Variants in RBFOX3 observed in about 807,000 individuals in gnomAD.
RBFOX3 encodes the protein RNA binding fox-1 homolog 3.
In RBFOX3, 17 loss-of-function variants were observed where a neutral mutation model predicts 48.7. That is an observed-to-expected ratio of 0.35 (90% CI 0.24 to 0.52). The LOEUF is 0.52. Among genes scored for constraint, RBFOX3 ranks in the 20% least tolerant of loss-of-function variants. RBFOX3 has a pLI of 0.94. For synonymous variants in RBFOX3, 212 were observed against 209.5 expected, an observed-to-expected ratio of 1.01 and a Z score of -0.10; for missense variants, 382 against 497.5, an observed-to-expected ratio of 0.77 and a Z score of 2.21.
At chr17:79,602,153 A>G (rs1294946004) in intron 1 of RBFOX3, 2 of 152,210 alleles carry the variant, frequency 1.3e-5, no homozygotes, top group Non-Finnish European at 2.9e-5. Flanking sequence ...ACAACGTCAC[A>G]AGGCTTTAAT....
At chr17:79,149,376 G>T (rs1369862145) in intron 4 of RBFOX3, among the ~76,000 whole-genome samples, 1 of 152,160 alleles carries the variant, frequency 6.6e-6, no homozygotes, top group African/African-American at 2.4e-5. Flanking sequence ...AGGGGGGCTT[G>T]GCTCAGGCCC....
intron 4 of RBFOX3, among the ~76,000 whole-genome samples, chr17:79,161,648 T>A (rs2047006195): frequency 6.6e-6 from 1 of 152,102 alleles, no homozygotes; most frequent in Non-Finnish European, 1.5e-5. Flanking sequence ...CAGGCTGGAG[T>A]GCAGTGGCGC....
intron 3 of RBFOX3, among the ~76,000 whole-genome samples, chr17:79,266,566 C>T (rs913942663): frequency 1.3e-5 from 2 of 152,036 alleles, no homozygotes; most frequent in Admixed American, 1.3e-4. Flanking sequence ...TGGAATTTCC[C>T]GTGTGCCAGG....
intron 4 of RBFOX3, among the ~76,000 whole-genome samples, chr17:79,202,327 C>T (rs1290872395): frequency 6.6e-6 from 1 of 152,060 alleles, no homozygotes; most frequent in East Asian, 1.9e-4. Flanking sequence ...GGGGCTGTGT[C>T]GGGTACCACG....
At chr17:79,379,416 T>C (rs898423400) in intron 2 of RBFOX3, among the ~76,000 whole-genome samples, 3 of 152,146 alleles carry the variant, frequency 2.0e-5, no homozygotes, top group Non-Finnish European at 4.4e-5. Flanking sequence ...CCCGTTTTCG[T>C]TTTGTTTTAA....
intron 2 of RBFOX3, among the ~76,000 whole-genome samples, chr17:79,379,774 C>T (rs2059661068): frequency 1.3e-5 from 2 of 152,130 alleles, no homozygotes; most frequent in South Asian, 4.1e-4. Flanking sequence ...CCAGATCGGA[C>T]TCCAGGGTGT....
intron 2 of RBFOX3, among the ~76,000 whole-genome samples, chr17:79,410,619 G>A (rs986713079): frequency 6.6e-6 from 1 of 152,304 alleles, no homozygotes; most frequent in Non-Finnish European, 1.5e-5. Context: ...GCGTGAAAGT[G>A]GAGGGGTCCC....
At chr17:79,345,502 G>A (rs1253518630) in intron 2 of RBFOX3, among the ~76,000 whole-genome samples, 1 of 152,296 alleles carries the variant, frequency 6.6e-6, no homozygotes, top group African/African-American at 2.4e-5. Flanking sequence ...GGCTTTGAAA[G>A]TCTTGCCAAT....
At chr17:79,168,521 G>A (rs1281933333) in intron 4 of RBFOX3, among the ~76,000 whole-genome samples, 1 of 152,248 alleles carries the variant, frequency 6.6e-6, no homozygotes, top group Non-Finnish European at 1.5e-5. Context: ...CCTATGTCCT[G>A]TGGCCCCCTG....
At chr17:79,612,480 C>G (rs904640779), upstream of RBFOX3, among the ~76,000 whole-genome samples, 4,647 of 152,202 alleles carry the variant, frequency 0.031, 97 homozygotes, top group Non-Finnish European at 0.038. Context: ...GGCTGCCCCC[C>G]CTGCAGGGCA....
intron 2 of RBFOX3, among the ~76,000 whole-genome samples, chr17:79,412,278 G>A (rs905251249): frequency 1.2e-4 from 18 of 151,492 alleles, no homozygotes; most frequent in South Asian, 2.1e-4. Flanking sequence ...GTATGTGTGC[G>A]TGTATGAACA....
In RBFOX3 at chr17:79,418,161, G is replaced by T. The variant is rs1234992465; in HGVS notation, c.-175+64293C>A. Among the ~76,000 whole-genome samples the T allele has an allele frequency of 6.6e-6, 1 of 152,204 alleles. No homozygotes were observed. The highest frequency in any genetic ancestry group is 2.4e-5 in the African/African-American group (1 of 41,448). On this transcript the variant is annotated intron_variant, in intron 2 of 14. Transcript: ENST00000693108. The surrounding 1 kb of genome is among the most constrained non-coding windows in gnomAD (Gnocchi z 5.0). The stretch of plus-strand genomic sequence containing the variant: ...GTGATGGCCGCACAACAAGATGAAT[G>T]TACTTAATGCCACTGAACAGTGCAC...
intron 2 of RBFOX3, among the ~76,000 whole-genome samples, chr17:79,442,619 G>T (rs1307007659): frequency 1.3e-5 from 2 of 152,118 alleles, no homozygotes; most frequent in Admixed American, 6.5e-5. Context: ...CTACAATTGT[G>T]TGTTTCCACC....
intron 4 of RBFOX3, among the ~76,000 whole-genome samples, chr17:79,144,575 G>A (rs570898147): frequency 6.6e-6 from 1 of 152,312 alleles, no homozygotes; most frequent in South Asian, 2.1e-4. Context: ...AGGGGGCAGG[G>A]CTCATGCCGC....
chr17:79,633,933 C>T, the RBFOX3 span, among the ~76,000 whole-genome samples: 1 of 152,204 alleles, frequency 6.6e-6, no homozygotes, highest in African/African-American at 2.4e-5. Flanking sequence ...TTATCATGCA[C>T]ATCTGTAATC....
chr17:79,259,437 G>T (rs570136471), intron 3 of RBFOX3, among the ~76,000 whole-genome samples: 1 of 152,354 alleles, frequency 6.6e-6, no homozygotes, highest in South Asian at 2.1e-4. Context: ...GAGGGCAGGG[G>T]CAGGAGGCAC....
At position 79,535,928 on chromosome 17, in the gene RBFOX3, G is replaced by T. The variant is rs1274928133; in HGVS notation, c.-319-53330C>A. On this transcript the variant is annotated intron_variant, in intron 1 of 14. Coordinates refer to ENST00000693108, the MANE Select transcript of RBFOX3 (RefSeq NM_001350451.2). The surrounding 1 kb of genome is among the most constrained non-coding windows in gnomAD (Gnocchi z 4.5). ...ACTGCACCCCTGCCCGTGACCAGTAGCGGCAGGGTCATCTCCACAGGCCCC... is the reference window on the plus strand; with the variant it reads ...ACTGCACCCCTGCCCGTGACCAGTATCGGCAGGGTCATCTCCACAGGCCCC... Among the ~76,000 whole-genome samples the T allele has an allele frequency of 2.6e-5, 4 of 152,134 alleles. No homozygotes were observed. Among genetic ancestry groups the T allele is most frequent in the African/African-American group, 9.7e-5 (4 of 41,428 alleles).
intron 4 of RBFOX3, among the ~76,000 whole-genome samples, chr17:79,155,770 C>T (rs918116531): frequency 5.9e-5 from 9 of 152,136 alleles, no homozygotes. Flanking sequence ...CCAAGAGTGC[C>T]ACAGCCTGGC....
chr17:79,642,108 A>C, the RBFOX3 span, among the ~76,000 whole-genome samples: 1 of 152,224 alleles, frequency 6.6e-6, no homozygotes, highest in African/African-American at 2.4e-5. Context: ...GAAATAAGCC[A>C]GACACAGAAT....
Sources: gnomAD v4.1 joint callset for allele counts (sites outside exome capture counted in the v4.1 genomes callset) on GRCh38, gnomAD v4.1.1 for gene constraint, Gnocchi (gnomAD v3.1) non-coding constraint, MANE v1.5 for transcripts, NCBI Gene and HGNC (gene_info 2026-07-23, HGNC 2026-07-21) for gene names.